Variants in TMCC1 observed in about 807,000 individuals in gnomAD.
TMCC1 encodes the protein transmembrane and coiled-coil domain family 1, also known as transmembrane and coiled-coil domains protein 1.
In TMCC1, 15 loss-of-function variants were observed where a neutral mutation model predicts 52.4. The ratio of observed to expected loss-of-function variants is 0.29; its 90% confidence interval spans 0.19 to 0.44. The LOEUF (loss-of-function observed/expected upper bound fraction) is 0.44, where lower values mean the gene tolerates loss of function less well. TMCC1 is among the 20% of genes least tolerant of loss of function. The pLI is 1.00. For missense variants in TMCC1, 503 were observed against 806.0 expected (o/e 0.62, Z 4.55); for synonymous variants, 279 against 301.9 (o/e 0.92, Z 0.79).
chr3:129,774,299 CCTTATGAACTAAATATGTTT>C (rs1214122460), intron 4 of TMCC1, among the ~76,000 whole-genome samples: 1 of 152,154 alleles, frequency 6.6e-6, no homozygotes, highest in African/African-American at 2.4e-5. Flanking sequence ...GTATCAGTTT[CCTTATGAACTAAATATGTTT>C]AATATTCTTT....
At chr3:129,655,472 A>G (rs2086611932) in intron 5 of TMCC1, among the ~76,000 whole-genome samples, 1 of 152,210 alleles carries the variant, frequency 6.6e-6, no homozygotes, top group South Asian at 2.1e-4. Context: ...TCATGAAAAG[A>G]TAACACACCA....
chr3:129,705,332 G>A (rs2048141486), intron 4 of TMCC1, among the ~76,000 whole-genome samples: 1 of 152,052 alleles, frequency 6.6e-6, no homozygotes, highest in African/African-American at 2.4e-5. Flanking sequence ...CTCCTCTCAA[G>A]TCTTTGTGAC....
chr3:129,774,750 G>A (rs1409161819), intron 4 of TMCC1, among the ~76,000 whole-genome samples: 1 of 152,192 alleles, frequency 6.6e-6, no homozygotes, highest in Non-Finnish European at 1.5e-5. Context: ...CAGGAAAAGG[G>A]AACGAGTGTA....
intron 4 of TMCC1, among the ~76,000 whole-genome samples, chr3:129,750,425 C>A (rs2052390435): frequency 1.3e-5 from 2 of 151,468 alleles, no homozygotes; most frequent in African/African-American, 4.9e-5. Context: ...CTCCTGACCT[C>A]AGGCAATCCA....
At chr3:129,661,956 T>C (rs2087066388) in intron 5 of TMCC1, among the ~76,000 whole-genome samples, 1 of 152,212 alleles carries the variant, frequency 6.6e-6, no homozygotes, top group Non-Finnish European at 1.5e-5. Flanking sequence ...TTACTTCCTG[T>C]CTAAATTCTA....
intron 2 of TMCC1, chr3:129,848,267 T>C (rs2059758453): frequency 6.6e-6 from 1 of 152,234 alleles, no homozygotes. Flanking sequence ...CTGTATTTTC[T>C]TTCTGACAAA....
intron 4 of TMCC1, among the ~76,000 whole-genome samples, chr3:129,698,959 G>A (rs1402288509): frequency 6.6e-6 from 1 of 152,136 alleles, no homozygotes; most frequent in African/African-American, 2.4e-5. Context: ...GCAAAGTCAA[G>A]TTAGGACCCA....
intron 2 of TMCC1, among the ~76,000 whole-genome samples, chr3:129,859,651 TACACACACACACAC>T (rs59213877): frequency 7.4e-5 from 11 of 148,680 alleles, no homozygotes; most frequent in East Asian, 2.0e-4. Context: ...CACACACACA[TACACACACACACAC>T]ACACACACAC....
intron 4 of TMCC1, among the ~76,000 whole-genome samples, chr3:129,804,237 T>C (rs1350151190): frequency 6.6e-6 from 1 of 152,244 alleles, no homozygotes; most frequent in Non-Finnish European, 1.5e-5. Context: ...TTATCTTTGG[T>C]AATACTTCTT....
At chr3:129,710,847 T>A (rs1305488033) in intron 4 of TMCC1, among the ~76,000 whole-genome samples, 1 of 152,122 alleles carries the variant, frequency 6.6e-6, no homozygotes, top group Non-Finnish European at 1.5e-5. Flanking sequence ...AAGAAATCTA[T>A]ATTCTCAGCC....
intron 5 of TMCC1, among the ~76,000 whole-genome samples, chr3:129,660,941 G>A (rs1053820743): frequency 2.0e-5 from 3 of 152,126 alleles, no homozygotes; most frequent in Non-Finnish European, 2.9e-5. Context: ...ATTGTGCCCA[G>A]CTCAAGTAAA....
At chr3:129,746,345 ATTT>A (rs66466206) in intron 4 of TMCC1, among the ~76,000 whole-genome samples, 3 of 144,982 alleles carry the variant, frequency 2.1e-5, no homozygotes. Flanking sequence ...TCATTTTTGT[ATTT>A]TTTTTTTTTT....
At chr3:129,839,157 A>C (rs1044098222) in intron 2 of TMCC1, among the ~76,000 whole-genome samples, 1 of 152,190 alleles carries the variant, frequency 6.6e-6, no homozygotes, top group African/African-American at 2.4e-5. Flanking sequence ...GGTAAAGTAT[A>C]ATTTTTTTAT....
chr3:129,821,748 T>C (rs955468117), intron 4 of TMCC1, among the ~76,000 whole-genome samples: 29 of 152,162 alleles, frequency 1.9e-4, no homozygotes, highest in African/African-American at 7.0e-4. Context: ...ATGAAGACTA[T>C]TTAACCAGCC....
At chr3:129,891,825 C>T (rs1577249382) in intron 1 of TMCC1, among the ~76,000 whole-genome samples, 1 of 152,180 alleles carries the variant, frequency 6.6e-6, no homozygotes, top group African/African-American at 2.4e-5. Flanking sequence ...AGCCCTGAGC[C>T]ATTATATGTT....
intron 5 of TMCC1, among the ~76,000 whole-genome samples, chr3:129,660,790 CAG>C (rs2086971569): frequency 6.6e-6 from 1 of 152,106 alleles, no homozygotes; most frequent in Non-Finnish European, 1.5e-5. Flanking sequence ...ATTTTAGAGA[CAG>C]AGTCTCACTA....
intron 4 of TMCC1, among the ~76,000 whole-genome samples, chr3:129,707,456 T>TAA (rs1353639027): frequency 6.6e-6 from 1 of 152,060 alleles, no homozygotes; most frequent in South Asian, 2.1e-4. Flanking sequence ...TAAGAAGCAA[T>TAA]AAATGTGGAA....
intron 3 of TMCC1, among the ~76,000 whole-genome samples, chr3:129,829,892 A>G (rs989124166): frequency 1.3e-5 from 2 of 152,164 alleles, no homozygotes; most frequent in African/African-American, 4.8e-5. Flanking sequence ...CTTTTTTCAA[A>G]TATTTTATGG....
chr3:129,725,024 A>G (rs1345486967), intron 4 of TMCC1, among the ~76,000 whole-genome samples: 3 of 152,250 alleles, frequency 2.0e-5, no homozygotes, highest in African/African-American at 7.2e-5. Context: ...AAGGAGATAC[A>G]TATAACTTAT....
Sources: gnomAD v4.1 joint callset for allele counts (sites outside exome capture counted in the v4.1 genomes callset) on GRCh38, gnomAD v4.1.1 for gene constraint, MANE v1.5 for transcripts, NCBI Gene and HGNC (gene_info 2026-07-23, HGNC 2026-07-21) for gene names.